Variants in TRPM3 observed in about 807,000 individuals in gnomAD.
The protein encoded by TRPM3 is transient receptor potential cation channel subfamily M member 3, also known as long transient receptor potential channel 3.
In TRPM3, 77 loss-of-function variants were observed where a neutral mutation model predicts 181.2. The ratio of observed to expected loss-of-function variants is 0.42; its 90% confidence interval spans 0.35 to 0.51. The LOEUF (loss-of-function observed/expected upper bound fraction) is 0.51. Among genes scored for constraint, TRPM3 ranks in the 20% least tolerant of loss-of-function variants. The probability of loss-of-function intolerance (pLI) is 0.01; values close to 1 mark genes in which losing one functional copy is unlikely to be tolerated. For synonymous variants in TRPM3, 745 were observed against 796.4 expected (o/e 0.94, Z 1.09); for missense variants, 1,759 against 2,196.7 (o/e 0.80, Z 3.98).
At chr9:70,980,308 T>C (rs142483484) in intron 1 of TRPM3, among the ~76,000 whole-genome samples, 2 of 151,850 alleles carry the variant, frequency 1.3e-5, no homozygotes, top group African/African-American at 4.8e-5. Flanking sequence ...AAGATCTGAG[T>C]GACAGCAGAT....
chr9:70,583,221 T>C (rs750921106), intron 22 of TRPM3, among the ~76,000 whole-genome samples: 1 of 152,178 alleles, frequency 6.6e-6, no homozygotes, highest in Non-Finnish European at 1.5e-5. Context: ...AAAAATGTCT[T>C]GGCAGAAGCA....
intron 1 of TRPM3, among the ~76,000 whole-genome samples, chr9:71,319,183 TAGTC>T (rs2088950922): frequency 6.6e-6 from 1 of 152,136 alleles, no homozygotes. Context: ...GTAAGTGTAT[TAGTC>T]AGGGTTCTCC....
At chr9:70,943,020 T>G (rs1046493643) in intron 1 of TRPM3, among the ~76,000 whole-genome samples, 3 of 151,988 alleles carry the variant, frequency 2.0e-5, no homozygotes, top group African/African-American at 7.3e-5. Flanking sequence ...AGTTTTGTCT[T>G]TGGCATTCGA....
At chr9:71,145,408 A>G (rs1359596169) in intron 1 of TRPM3, among the ~76,000 whole-genome samples, 1 of 152,116 alleles carries the variant, frequency 6.6e-6, no homozygotes, top group Admixed American at 6.6e-5. Context: ...TAGATAAGAG[A>G]CTTTGAGAAT....
At chr9:71,360,464 A>G (rs2092096096) in intron 1 of TRPM3, among the ~76,000 whole-genome samples, 1 of 152,220 alleles carries the variant, frequency 6.6e-6, no homozygotes. Flanking sequence ...AATAAGTCAG[A>G]TATTTCATCA....
chr9:71,358,939 T>C (rs1253894652), intron 1 of TRPM3, among the ~76,000 whole-genome samples: 1 of 152,222 alleles, frequency 6.6e-6, no homozygotes, highest in African/African-American at 2.4e-5. Flanking sequence ...CATGGTCTTC[T>C]AAAATTTTTA....
intron 5 of TRPM3, among the ~76,000 whole-genome samples, chr9:70,836,003 C>T (rs1362013462): frequency 6.6e-6 from 1 of 152,102 alleles, no homozygotes; most frequent in Non-Finnish European, 1.5e-5. Flanking sequence ...TGTAAAAGTG[C>T]TTAGAAGGGT....
chr9:71,331,185 G>A (rs1028935850), intron 1 of TRPM3, among the ~76,000 whole-genome samples: 1 of 151,650 alleles, frequency 6.6e-6, no homozygotes, highest in Admixed American at 6.6e-5. Flanking sequence ...ATAATCCTAG[G>A]CAAAATTTTG....
Position 71,352,157 on chromosome 9 carries a change from G to A in TRPM3, c.183+94496C>T, listed in dbSNP as rs186745381. 9.5e-4 allele frequency among the ~76,000 whole-genome samples: 145 copies of A among 152,314 alleles called. 1 individual carries two copies. Among genetic ancestry groups the A allele is most frequent in the South Asian group, 6.0e-3 (29 of 4,826 alleles). ...CCCAAAGTGGTGGGATTACAGGCGT[G>A]AGCCACTGCACCCGGCTGGAAATGA... is the stretch of plus-strand genomic sequence containing the variant. On this transcript the variant is annotated intron_variant, in intron 1 of 24. Transcript: ENST00000357533.
intron 8 of TRPM3, among the ~76,000 whole-genome samples, chr9:70,744,861 A>C (rs545853091): frequency 6.6e-6 from 1 of 152,290 alleles, no homozygotes; most frequent in South Asian, 2.1e-4. Context: ...ATATTGAATC[A>C]GATGAAAAAA....
At chr9:71,060,474 C>T (rs1025439075) in intron 1 of TRPM3, among the ~76,000 whole-genome samples, 11 of 152,046 alleles carry the variant, frequency 7.2e-5, no homozygotes, top group Admixed American at 3.9e-4. Context: ...GTAACATGTC[C>T]GACATCATTC....
At chr9:70,814,313 G>A (rs959185425) in intron 6 of TRPM3, among the ~76,000 whole-genome samples, 1 of 152,110 alleles carries the variant, frequency 6.6e-6, no homozygotes, top group Non-Finnish European at 1.5e-5. Context: ...ACTGGGGAAA[G>A]GGAGCTGGAC....
chr9:70,812,145 C>T (rs2092152957), intron 6 of TRPM3, among the ~76,000 whole-genome samples: 1 of 152,182 alleles, frequency 6.6e-6, no homozygotes, highest in Admixed American at 6.5e-5. Context: ...TCATTTTGTT[C>T]CTTCCTTAGA....
chr9:70,653,528 G>A lies in TRPM3; in HGVS notation c.1346-12868C>T, dbSNP rs555444241. On this transcript the variant is annotated intron_variant, in intron 9 of 25. Transcript: ENST00000677713. ...AGATTTGACCAACTCCACTTAACTT[G>A]GTCAAATCCAAGTGAGAATTCCAAA... Among the ~76,000 whole-genome samples the A allele has an allele frequency of 1.1e-4, 17 of 151,188 alleles. No homozygotes were observed. In the South Asian group the frequency reaches 3.6e-3, roughly 32 times the overall value.
intron 1 of TRPM3, among the ~76,000 whole-genome samples, chr9:70,924,593 T>C (rs973777117): frequency 2.6e-5 from 4 of 152,188 alleles, no homozygotes; most frequent in Non-Finnish European, 5.9e-5. Flanking sequence ...CAAATGAATG[T>C]TTTTAAAGCT....
intron 1 of TRPM3, among the ~76,000 whole-genome samples, chr9:71,280,791 A>G (rs144071231): frequency 5.0e-4 from 76 of 152,326 alleles, no homozygotes; most frequent in African/African-American, 1.7e-3. Context: ...ACACAAATGC[A>G]TCAATACAAG....
intron 1 of TRPM3, among the ~76,000 whole-genome samples, chr9:71,117,152 G>A (rs1259683978): frequency 6.6e-6 from 1 of 152,090 alleles, no homozygotes; most frequent in Non-Finnish European, 1.5e-5. Flanking sequence ...CCTTAGCCAG[G>A]TTCTCATCAA....
intron 1 of TRPM3, among the ~76,000 whole-genome samples, chr9:71,235,848 T>C (rs117308910): frequency 9.5e-4 from 144 of 152,322 alleles, no homozygotes; most frequent in Admixed American, 2.3e-3. Flanking sequence ...TTGATGCATA[T>C]TGCTTCTGTA....
chr9:70,542,628 ATTG>A (rs2043755951), intron 25 of TRPM3, among the ~76,000 whole-genome samples: 1 of 152,220 alleles, frequency 6.6e-6, no homozygotes, highest in Non-Finnish European at 1.5e-5. Context: ...TTTCTTAAGA[ATTG>A]TTATGCTATT....
Sources: gnomAD v4.1 joint callset for allele counts (sites outside exome capture counted in the v4.1 genomes callset) on GRCh38, gnomAD v4.1.1 for gene constraint, MANE v1.5 for transcripts, NCBI Gene and HGNC (gene_info 2026-07-23, HGNC 2026-07-21) for gene names.